PTPRU: variants seen among roughly 807,000 people sequenced by gnomAD.
PTPRU encodes the protein protein tyrosine phosphatase receptor type U.
A neutral mutation model predicts 166.3 loss-of-function variants in PTPRU; 69 were observed. The ratio of observed to expected loss-of-function variants is 0.41; its 90% CI spans 0.34 to 0.51. The LOEUF (loss-of-function observed/expected upper bound fraction) is 0.51. PTPRU is among the 20% of genes least tolerant of loss of function. The pLI, the probability that PTPRU is intolerant of heterozygous loss-of-function variation, is 0.09. For synonymous variants in PTPRU, 793 were observed against 814.0 expected, an observed-to-expected ratio of 0.97 and a Z score of 0.44; for missense variants, 1,657 against 2,013.7, an observed-to-expected ratio of 0.82 and a Z score of 3.39.
At position 29,291,858 on chromosome 1, in the gene PTPRU, C is replaced by A. The variant is rs201881691; in HGVS notation, c.2319-11C>A. 3 of 1,613,378 alleles carry A rather than the reference C, an allele frequency of 1.9e-6. No homozygotes were observed. Among genetic ancestry groups the A allele is most frequent in the Non-Finnish European group, 2.5e-6 (3 of 1,179,674 alleles). Reference sequence around the variant, plus strand: ...ACAATGCCTGTGTCTCCCCTCAACCCCCCTCTCCAGGAAGCCGGTGAACAT... The same window carrying A: ...ACAATGCCTGTGTCTCCCCTCAACCACCCTCTCCAGGAAGCCGGTGAACAT... On this transcript the variant is annotated splice_polypyrimidine_tract_variant and intron_variant, in intron 14 of 29. Transcript: ENST00000373779. The surrounding 1 kb of genome is among the most constrained non-coding windows in gnomAD (Gnocchi z 4.1).
In PTPRU at chr1:29,291,341, G is replaced by T. The variant is rs1022719163; in HGVS notation, c.2319-528G>T. 3.3e-5 allele frequency among the ~76,000 whole-genome samples: 5 copies of T among 151,990 alleles called. No homozygotes were observed. Among genetic ancestry groups the T allele is most frequent in the Non-Finnish European group, 5.9e-5 (4 of 68,018 alleles). ...GGGGAAGCCCCCGAGCTCTGGCTGA[G>T]CACAAGCTAGACTCTCTGCGGGGAA... On this transcript the variant is annotated intron_variant, in intron 14 of 29. Coordinates refer to ENST00000373779, the MANE Select transcript of PTPRU (RefSeq NM_133178.4). This position sits in a 1 kb window ranked among gnomAD's most constrained non-coding sequence, Gnocchi z 4.1.
At chr1:29,268,716 C>T (rs1339372529) in intron 7 of PTPRU, among the ~76,000 whole-genome samples, 2 of 152,192 alleles carry the variant, frequency 1.3e-5, no homozygotes, top group Non-Finnish European at 2.9e-5. Context: ...TGTTTTTAAT[C>T]TTTCAAAGGC....
Position 29,320,670 on chromosome 1 carries a change from C to G in PTPRU, c.3688-15C>G, listed in dbSNP as rs748657202. On this transcript the variant is annotated splice_polypyrimidine_tract_variant and intron_variant, in intron 25 of 29. Transcript: ENST00000373779. The surrounding 1 kb of genome is among the most constrained non-coding windows in gnomAD (Gnocchi z 5.2). ...GCCGGGAACAGGGCCCTGCTGAGTTCCGGTTTCCCTGCAGAGCTACACACG... is the reference window on the plus strand; with the variant it reads ...GCCGGGAACAGGGCCCTGCTGAGTTGCGGTTTCCCTGCAGAGCTACACACG... 2 of 1,560,906 alleles carry G rather than the reference C, an allele frequency of 1.3e-6. No individual in the cohort carries two copies. Among genetic ancestry groups the G allele is most frequent in the Non-Finnish European group, 1.7e-6 (2 of 1,144,716 alleles).
chr1:29,297,274 C>T (rs920500868), intron 15 of PTPRU, among the ~76,000 whole-genome samples: 3 of 151,630 alleles, frequency 2.0e-5, no homozygotes, highest in East Asian at 1.9e-4. Context: ...AGGCTGGTCT[C>T]GAACTCCTGA....
intron 15 of PTPRU, among the ~76,000 whole-genome samples, chr1:29,303,458 C>T (rs991632530): frequency 6.6e-6 from 1 of 152,206 alleles, no homozygotes; most frequent in Non-Finnish European, 1.5e-5. Flanking sequence ...GGGGTAATTG[C>T]TGGGAGTTGC....
chr1:29,249,184 ACACT>A lies in PTPRU; in HGVS notation c.74-6087_74-6084del, dbSNP rs550771394. On this transcript the variant is annotated intron_variant, in intron 1 of 29. Coordinates refer to ENST00000373779, the MANE Select transcript of PTPRU (RefSeq NM_133178.4). ...CACACACACACACGCACACCTGCAC[ACACT>A]CACACGCACACCTGCATGTGGACAC... Among the ~76,000 whole-genome samples the A allele has an allele frequency of 9.2e-5, 14 of 152,268 alleles. No individual in the cohort carries two copies. The South Asian group carries it at 2.1e-3, about 23-fold the overall frequency.
rs906063727 is a variant in PTPRU, at chr1:29,237,792, A to C, written c.73+1075A>C. ...CGGGGCGCCCGGGCCAGCGGGCCCCAGCGAGGGGCCGGCGGGCGGGCAGGG... is the reference window on the plus strand; with the variant it reads ...CGGGGCGCCCGGGCCAGCGGGCCCCCGCGAGGGGCCGGCGGGCGGGCAGGG... On this transcript the variant is annotated intron_variant, in intron 1 of 29. Transcript: ENST00000373779. This position sits in a 1 kb window ranked among gnomAD's most constrained non-coding sequence, Gnocchi z 6.4. Among the ~76,000 whole-genome samples, 1 of 146,236 alleles carries C rather than the reference A, an allele frequency of 6.8e-6. No individual in the cohort carries two copies.
chr1:29,280,167 G>A lies in PTPRU; in HGVS notation c.1868+26G>A. The A allele has an allele frequency of 6.4e-7, 1 of 1,574,714 alleles. No homozygotes were observed. The highest frequency in any genetic ancestry group is 1.1e-5 in the South Asian group (1 of 90,094). Reference sequence around the variant, plus strand: ...GTGGGAAAGCGGGGACGGAGGGGTGGGAGTCCAGGGCCTTAGGAAAGAGGC... The same window carrying A: ...GTGGGAAAGCGGGGACGGAGGGGTGAGAGTCCAGGGCCTTAGGAAAGAGGC... On this transcript the variant is annotated intron_variant, in intron 11 of 29. Transcript: ENST00000373779. The surrounding 1 kb of genome is among the most constrained non-coding windows in gnomAD (Gnocchi z 4.2).
At chr1:29,283,529 G>C (rs925700997) in intron 12 of PTPRU, among the ~76,000 whole-genome samples, 2 of 151,644 alleles carry the variant, frequency 1.3e-5, no homozygotes, top group African/African-American at 2.4e-5. Flanking sequence ...AGATTCCAGC[G>C]TTCCTGTGTT....
Position 29,310,732 on chromosome 1 carries a change from CT to C in PTPRU, c.2821-11del. On this transcript the variant is annotated splice_polypyrimidine_tract_variant and intron_variant, in intron 18 of 29. Coordinates refer to ENST00000373779, the MANE Select transcript of PTPRU (RefSeq NM_133178.4). ...CCCTGGGGTCTAACCGTGCCCTCTC[CT>C]CCTGTTCCAGGGTTACCACAGGTCA... The C allele has an allele frequency of 1.2e-6, 2 of 1,613,424 alleles. No homozygotes were observed. The highest frequency in any genetic ancestry group is 1.7e-6 in the Non-Finnish European group (2 of 1,179,372).
At chr1:29,253,004 AC>A (rs1326120780) in intron 1 of PTPRU, among the ~76,000 whole-genome samples, 1 of 152,060 alleles carries the variant, frequency 6.6e-6, no homozygotes, top group Non-Finnish European at 1.5e-5. Context: ...CTTCTGGCCG[AC>A]CCGCTGCAGG....
At chr1:29,302,697 G>T (rs560101209) in intron 15 of PTPRU, among the ~76,000 whole-genome samples, 2 of 151,998 alleles carry the variant, frequency 1.3e-5, no homozygotes, top group East Asian at 3.9e-4. Context: ...TTACAGGCTC[G>T]TGCCATCATA....
intron 12 of PTPRU, 112 bp downstream of exon 12, chr1:29,283,061 C>T: frequency 1.4e-6 from 2 of 1,435,534 alleles, no homozygotes; most frequent in East Asian, 2.3e-5. Flanking sequence ...CTTCCCATAG[C>T]CCCACCTCCC....
chr1:29,318,447 C>A (rs1687998553), intron 25 of PTPRU, among the ~76,000 whole-genome samples: 1 of 152,186 alleles, frequency 6.6e-6, no homozygotes. Context: ...CTGAGGGTTG[C>A]AAGCAGCTCA....
intron 1 of PTPRU, among the ~76,000 whole-genome samples, chr1:29,239,310 G>A (rs1683931509): frequency 1.3e-5 from 2 of 152,174 alleles, no homozygotes; most frequent in African/African-American, 4.8e-5. Context: ...TGCAAACCTG[G>A]TAGTTATTTA....
chr1:29,250,272 A>G (rs6670211), intron 1 of PTPRU, among the ~76,000 whole-genome samples: 1 of 151,790 alleles, frequency 6.6e-6, no homozygotes, highest in Non-Finnish European at 1.5e-5. Flanking sequence ...TGTACCTCTA[A>G]TAGTGCCAGC....
rs1045357817 is a variant in PTPRU at position 29,298,127 on chromosome 1, A to G, written c.2477-5728A>G. 3.3e-5 allele frequency among the ~76,000 whole-genome samples: 5 copies of G among 152,048 alleles called. No homozygotes were observed. The South Asian group carries it at 1.0e-3, about 32-fold the overall frequency. On this transcript the variant is annotated intron_variant, in intron 15 of 29. Transcript: ENST00000373779. ...ACAAAAATTAGCCAGGGATGGTGGC[A>G]GGCACCTGTAATCCCAGCTACTTGG...
intron 7 of PTPRU, among the ~76,000 whole-genome samples, chr1:29,273,605 G>A (rs1375178052): frequency 1.3e-5 from 2 of 152,076 alleles, no homozygotes; most frequent in Non-Finnish European, 2.9e-5. Context: ...GTCTTGTTGT[G>A]TTGCCCAGGC....
rs1372177512 is a variant in PTPRU at position 29,237,315 on chromosome 1, T to C, written c.73+598T>C. On this transcript the variant is annotated intron_variant, in intron 1 of 29. Coordinates refer to ENST00000373779, the MANE Select transcript of PTPRU (RefSeq NM_133178.4). This position sits in a 1 kb window ranked among gnomAD's most constrained non-coding sequence, Gnocchi z 6.4. ...TGTGTGTCCGTGCGCTGTGTACGTG[T>C]GGGGAGTGTCTAGGGTATGTGGTGT... is the stretch of plus-strand genomic sequence containing the variant. 1.3e-5 allele frequency among the ~76,000 whole-genome samples: 2 copies of C among 151,492 alleles called. No homozygotes were observed. The highest frequency in any genetic ancestry group is 2.9e-5 in the Non-Finnish European group (2 of 67,872).
Sources: gnomAD v4.1 joint callset for allele counts (sites outside exome capture counted in the v4.1 genomes callset) on GRCh38, gnomAD v4.1.1 for gene constraint, Gnocchi (gnomAD v3.1) non-coding constraint, MANE v1.5 for transcripts, NCBI Gene and HGNC (gene_info 2026-07-23, HGNC 2026-07-21) for gene names.